The following ARHGAP30 variants were observed in gnomAD, a reference collection of about 807,000 sequenced individuals.
ARHGAP30 encodes rho GTPase-activating protein 30.
Under a neutral mutation model 72.0 loss-of-function variants are expected in ARHGAP30, and 23 were observed. The ratio of observed to expected loss-of-function variants is 0.32; its 90% CI spans 0.23 to 0.45. The LOEUF (loss-of-function observed/expected upper bound fraction) is 0.45. ARHGAP30 is among the 20% of genes least tolerant of loss of function. The pLI is 1.00. For missense variants in ARHGAP30, 1,319 were observed against 1,383.4 expected (o/e 0.95, Z 0.74); for synonymous variants, 576 against 528.2 (o/e 1.09, Z -1.24).
chr1:161,061,568 A>G (rs756908031), intron 1 of ARHGAP30, among the ~76,000 whole-genome samples: 2 of 152,194 alleles, frequency 1.3e-5, no homozygotes, highest in Non-Finnish European at 2.9e-5. Context: ...TAGATATTCT[A>G]GTACCCATTT....
At chr1:161,050,533 TCCTGA>T (rs1430600086) in intron 10 of ARHGAP30, among the ~76,000 whole-genome samples, 4 of 151,976 alleles carry the variant, frequency 2.6e-5, no homozygotes, top group Non-Finnish European at 5.9e-5. Context: ...GGTCTCGAAC[TCCTGA>T]CCTCCAGTGA....
chr1:161,064,779 A>AAAAG (rs201614477), intron 1 of ARHGAP30, among the ~76,000 whole-genome samples: 2,038 of 98,106 alleles, frequency 0.021, 45 homozygotes, highest in East Asian at 0.056. Flanking sequence ...GAAAGAAAGA[A>AAAAG]AAAGAAAGAA....
At chr1:161,055,342 A>G (rs1393851526) in intron 3 of ARHGAP30, among the ~76,000 whole-genome samples, 1 of 152,018 alleles carries the variant, frequency 6.6e-6, no homozygotes, top group African/African-American at 2.4e-5. Context: ...AAATTTTAAA[A>G]ATCAGCCAGG....
chr1:161,054,395 C>A lies in ARHGAP30; in HGVS notation c.507G>T (p.Leu169=). The change falls in exon 5 of 12, where the codon CTG becomes CTT. Residue 169 remains leucine (L), a synonymous_variant. Transcript: ENST00000368013. Reference sequence around the variant, plus strand: ...GCAGGTTGGGAGCCCACACGATGGCCAGGTTGCGAGCATGCATGTTGGTCT... The same window carrying A: ...GCAGGTTGGGAGCCCACACGATGGCAAGGTTGCGAGCATGCATGTTGGTCT... ...SAQTNMHARN[L]AIVWAPNLLR... 1 of 1,613,930 alleles carries A rather than the reference C, an allele frequency of 6.2e-7. No homozygotes were observed. Among genetic ancestry groups the A allele is most frequent in the Non-Finnish European group, 8.5e-7 (1 of 1,179,956 alleles).
intron 1 of ARHGAP30, among the ~76,000 whole-genome samples, chr1:161,061,190 G>A (rs1652285867): frequency 6.6e-6 from 1 of 151,756 alleles, no homozygotes; most frequent in Admixed American, 6.6e-5. Flanking sequence ...TTTTTAGATG[G>A]AGTCTCACTC....
intron 5 of ARHGAP30, among the ~76,000 whole-genome samples, chr1:161,053,775 T>C (rs992635462): frequency 1.3e-5 from 2 of 152,216 alleles, no homozygotes; most frequent in Non-Finnish European, 2.9e-5. Context: ...AACAAACATT[T>C]GGCGTGAGGC....
intron 1 of ARHGAP30, among the ~76,000 whole-genome samples, chr1:161,064,783 G>GA (rs1362638819): frequency 1.7e-5 from 1 of 60,388 alleles, no homozygotes; most frequent in Non-Finnish European, 3.0e-5. Flanking sequence ...GAAAGAAAAA[G>GA]AAAGAAAGAA....
At chr1:161,060,285 AAGAG>A (rs1264009908) in intron 1 of ARHGAP30, 3 of 413,278 alleles carry the variant, frequency 7.3e-6, no homozygotes, top group South Asian at 3.4e-5. Flanking sequence ...AAAAAAAAGA[AAGAG>A]AAAGAAAGAA....
In ARHGAP30 at chr1:161,056,517, TGAC is replaced by T; in HGVS notation, c.213_215del (p.Ser72del). Reference sequence around the variant, plus strand: ...CCCGACGCAGGTCTGGCTTCCGCTCTGACTCAAATTCCTGCCTGGGGAGGCGCG... The same window carrying T: ...CCCGACGCAGGTCTGGCTTCCGCTCTTCAAATTCCTGCCTGGGGAGGCGCG... On this transcript the variant is annotated inframe_deletion, in exon 3 of 12. Transcript: ENST00000368013. 1.9e-6 allele frequency: 3 copies of T among 1,613,594 alleles called. No individual in the cohort carries two copies. Among genetic ancestry groups the T allele is most frequent in the Non-Finnish European group, 2.5e-6 (3 of 1,179,952 alleles).
In ARHGAP30 at chr1:161,048,268, C is replaced by T; in HGVS notation, c.2753G>A (p.Gly918Asp). ...GGAAGCTAGACGCATGCCCACGCCA[C>T]CCAGGCCAAGAGAACAGGGGCATAG... ...GCLCPCSLGLGGVGMRLASTL... is the reference protein window; with the variant it reads ...GCLCPCSLGLDGVGMRLASTL... Residue 918 changes from glycine to aspartate, a missense_variant, in exon 12 of 12, where the codon GGT becomes GAT. This residue lies in a region of ARHGAP30 where 1,097 missense variants were observed against 1,045.2 expected (regional missense o/e 1.05). Transcript: ENST00000368013. The T allele has an allele frequency of 1.2e-6, 2 of 1,614,178 alleles. No individual in the cohort carries two copies. Among genetic ancestry groups the T allele is most frequent in the South Asian group, 1.1e-5 (1 of 91,090 alleles).
intron 2 of ARHGAP30, among the ~76,000 whole-genome samples, chr1:161,058,581 C>G (rs1281738221): frequency 7.9e-6 from 1 of 127,300 alleles, no homozygotes. Flanking sequence ...GAGCCAAGAT[C>G]ACGACACTGC....
intron 3 of ARHGAP30, among the ~76,000 whole-genome samples, 167 bp downstream of exon 3, chr1:161,056,221 G>A (rs1429233944): frequency 6.6e-6 from 1 of 152,156 alleles, no homozygotes; most frequent in Non-Finnish European, 1.5e-5. Context: ...AAGGTAGTAG[G>A]GGCTAGGAGA....
chr1:161,062,626 G>C (rs1237111956), intron 1 of ARHGAP30, among the ~76,000 whole-genome samples: 2 of 151,864 alleles, frequency 1.3e-5, no homozygotes, highest in African/African-American at 4.8e-5. Context: ...CTACTTGGGT[G>C]GCTGAGGCAG....
At chr1:161,053,899 C>T (rs1052612533) in intron 5 of ARHGAP30, among the ~76,000 whole-genome samples, 1 of 152,100 alleles carries the variant, frequency 6.6e-6, no homozygotes. Context: ...AACCCCTTCT[C>T]TCTACTAAAA....
intron 1 of ARHGAP30, among the ~76,000 whole-genome samples, chr1:161,061,379 T>C (rs1014523047): frequency 4.6e-5 from 7 of 151,814 alleles, no homozygotes; most frequent in Non-Finnish European, 5.9e-5. Flanking sequence ...TTGGCCAGGC[T>C]GGTCTCGTAC....
At chr1:161,063,869 C>G (rs1394526558) in intron 1 of ARHGAP30, among the ~76,000 whole-genome samples, 7 of 152,200 alleles carry the variant, frequency 4.6e-5, no homozygotes, top group African/African-American at 1.7e-4. Flanking sequence ...ACTCCAGTCT[C>G]CCATAGCACT....
At chr1:161,060,035 C>G in intron 1 of ARHGAP30, 1 of 331,646 alleles carries the variant, frequency 3.0e-6, no homozygotes, top group Admixed American at 3.9e-5. Context: ...TAAGCCAGCA[C>G]CTTGAGAGGC....
chr1:161,056,501 G>A lies in ARHGAP30; in HGVS notation c.232C>T (p.Leu78=). 1.2e-6 allele frequency: 2 copies of A among 1,613,940 alleles called. No homozygotes were observed. The highest frequency in any genetic ancestry group is 1.7e-6 in the Non-Finnish European group (2 of 1,180,012). ...QEFESERKPD[L]RRDVYLQDIH... ...TCTTGGAGGTAAACATCCCGACGCA[G>A]GTCTGGCTTCCGCTCTGACTCAAAT... Residue 78 remains leucine (L), a synonymous_variant, in exon 3 of 12, where the codon CTG becomes TTG. Coordinates refer to ENST00000368013, the MANE Select transcript of ARHGAP30 (RefSeq NM_001025598.2).
rs373388137 is a variant in ARHGAP30, at chr1:161,060,769, T to C, written c.98-1053A>G. On this transcript the variant is annotated intron_variant, in intron 1 of 11. Transcript: ENST00000368013. Reference sequence around the variant, plus strand: ...CAGGCTGGAGTGCAGTGGCGCGATCTTTCCTTACTGCAACCTCCGCCTCCC... The same window carrying C: ...CAGGCTGGAGTGCAGTGGCGCGATCCTTCCTTACTGCAACCTCCGCCTCCC... Among the ~76,000 whole-genome samples, 130 of 149,996 alleles carry C rather than the reference T, an allele frequency of 8.7e-4. 1 individual carries two copies. In the East Asian group the frequency reaches 0.013, roughly 15 times the overall value.
Sources: allele counts gnomAD v4.1 joint callset (sites outside exome capture counted in the v4.1 genomes callset), GRCh38; gene constraint gnomAD v4.1.1; regional missense constraint gnomAD v4.1.1; transcripts MANE v1.5; gene names NCBI Gene and HGNC (gene_info 2026-07-23, HGNC 2026-07-21).